The following CEP112 variants were observed in gnomAD, a reference collection of about 807,000 sequenced individuals.
The protein encoded by CEP112 is centrosomal protein of 112 kDa.
Under a neutral mutation model 153.0 loss-of-function variants are expected in CEP112, and 127 were observed. The ratio of observed to expected loss-of-function variants is 0.83; its 90% CI spans 0.72 to 0.96. The LOEUF is 0.96. CEP112 is among the 40% of genes least tolerant of loss of function. The probability of loss-of-function intolerance (pLI) is 0.00; values close to 1 mark genes in which losing one functional copy is unlikely to be tolerated. For synonymous variants in CEP112, 358 were observed against 374.4 expected (o/e 0.96, Z 0.51); for missense variants, 1,089 against 1,101.2 (o/e 0.99, Z 0.16).
At chr17:65,882,205 T>G (rs924961838) in intron 20 of CEP112, among the ~76,000 whole-genome samples, 1 of 152,220 alleles carries the variant, frequency 6.6e-6, no homozygotes, top group Non-Finnish European at 1.5e-5. Context: ...GCTCCCAGAA[T>G]GGCCTACATC....
intron 23 of CEP112, among the ~76,000 whole-genome samples, chr17:65,715,766 T>C (rs560470198): frequency 9.9e-5 from 15 of 152,106 alleles, no homozygotes; most frequent in Non-Finnish European, 1.8e-4. Context: ...ATTTTAAGTG[T>C]AGTGTAGAAT....
At chr17:65,750,525 C>T (rs1455794261) in intron 22 of CEP112, 137 bp downstream of exon 22, 2 of 656,424 alleles carry the variant, frequency 3.0e-6, no homozygotes, top group African/African-American at 1.8e-5. Flanking sequence ...TATTTGTATA[C>T]CCATAAAAAT....
chr17:65,693,897 G>A (rs1318890782), intron 23 of CEP112, among the ~76,000 whole-genome samples: 1 of 152,066 alleles, frequency 6.6e-6, no homozygotes, highest in Admixed American at 6.6e-5. Context: ...ACCATGGGAG[G>A]ACACAGTACA....
At chr17:65,905,805 T>G (rs1272449162) in intron 19 of CEP112, among the ~76,000 whole-genome samples, 2 of 151,814 alleles carry the variant, frequency 1.3e-5, no homozygotes, top group East Asian at 3.9e-4. Context: ...ATTAGCCAGG[T>G]GTAGTGGTGG....
chr17:66,141,172 A>G (rs962132740), intron 4 of CEP112, among the ~76,000 whole-genome samples: 1 of 149,606 alleles, frequency 6.7e-6, no homozygotes. Flanking sequence ...CTGGTTTTCT[A>G]ATTCACTGAT....
rs559755855 is a variant in CEP112, at chr17:66,192,041, A to ACGCCGCCGC, written c.-62_-54dup. ...GCTTTCCGCTCGGCCGCTGCCGCCA[A>ACGCCGCCGC]CGCCGCCGCCACCGCCGCCCCTGCC... is the stretch of plus-strand genomic sequence containing the variant. On this transcript the variant is annotated 5_prime_UTR_variant, in exon 1 of 27. Transcript: ENST00000535342. The ACGCCGCCGC allele has an allele frequency of 8.2e-3, 1,261 of 154,134 alleles. 17 individuals are homozygous for ACGCCGCCGC. The highest frequency in any genetic ancestry group is 0.029 in the African/African-American group (1,199 of 41,562). 9.5% of individuals were successfully genotyped at this position (154,134 alleles called of 1,614,324 possible).
intron 23 of CEP112, among the ~76,000 whole-genome samples, chr17:65,734,188 C>T (rs2020173): frequency 0.55 from 83,357 of 152,056 alleles, 23,179 homozygotes; most frequent in South Asian, 0.72. Flanking sequence ...GAGGTTGGCA[C>T]GAGTTTCTCA....
rs773319674 is a variant in CEP112, at chr17:66,132,714, G to A, written c.520C>T (p.Pro174Ser). The A allele has an allele frequency of 1.9e-6, 3 of 1,613,834 alleles. No individual in the cohort carries two copies. The East Asian group carries it at 6.7e-5, about 36-fold the overall frequency. Residue 174 changes from proline (P) to serine (S), a missense_variant, in exon 5 of 27, where the codon CCA becomes TCA. Pro to Ser is a moderately conservative substitution (Grantham distance 74). Coordinates refer to ENST00000535342, the MANE Select transcript of CEP112 (RefSeq NM_001199165.4). ...TTTTGTCCATCTTCTCTGTGAGTTG[G>A]ACTCAAGGAGTGTGATCTCACTCGG... ...KLRVRSHSLS[P>S]THREDGQNIT...
At chr17:66,187,469 T>A (rs772654817) in intron 1 of CEP112, among the ~76,000 whole-genome samples, 68 of 152,200 alleles carry the variant, frequency 4.5e-4, no homozygotes, top group Non-Finnish European at 7.2e-4. Context: ...TGCATCCTAT[T>A]TGACATCTCC....
At chr17:65,906,039 T>C (rs941517862) in intron 19 of CEP112, among the ~76,000 whole-genome samples, 2 of 151,912 alleles carry the variant, frequency 1.3e-5, no homozygotes, top group Non-Finnish European at 2.9e-5. Flanking sequence ...CCACCAATGA[T>C]AGACTAGATA....
intron 24 of CEP112, chr17:65,655,270 C>T: frequency 8.5e-7 from 1 of 1,173,454 alleles, no homozygotes; most frequent in Non-Finnish European, 1.3e-6. Context: ...TGCAGACTGC[C>T]TTTGTTGGGT....
At position 65,690,132 on chromosome 17, in the gene CEP112, A is replaced by C. The variant is rs867994365; in HGVS notation, c.2608-914T>G. Among the ~76,000 whole-genome samples the C allele has an allele frequency of 5.1e-3, 770 of 150,738 alleles. 5 individuals are homozygous for C. Among genetic ancestry groups the C allele is most frequent in the African/African-American group, 0.018 (730 of 41,126 alleles). The stretch of plus-strand genomic sequence containing the variant: ...ACAGACCAAAAAAAAAAAAAAAAAA[A>C]AAAAAACTCCGGTCGGGCACAGTGG... On this transcript the variant is annotated intron_variant, in intron 23 of 26. Coordinates refer to ENST00000535342, the MANE Select transcript of CEP112 (RefSeq NM_001199165.4).
intron 18 of CEP112, among the ~76,000 whole-genome samples, chr17:65,946,848 GTCT>G (rs1465961140): frequency 6.6e-6 from 1 of 151,854 alleles, no homozygotes; most frequent in Non-Finnish European, 1.5e-5. Flanking sequence ...GCTTATTCAG[GTCT>G]TCTTTAGTTT....
intron 12 of CEP112, among the ~76,000 whole-genome samples, chr17:66,034,526 G>C (rs7211092): frequency 0.52 from 78,208 of 151,770 alleles, 21,079 homozygotes; most frequent in African/African-American, 0.59. Context: ...TAAATCCACA[G>C]ACTTTGCCTA....
At chr17:66,103,404 G>C (rs1402349261) in intron 6 of CEP112, among the ~76,000 whole-genome samples, 5 of 152,078 alleles carry the variant, frequency 3.3e-5, no homozygotes, top group Non-Finnish European at 7.4e-5. Flanking sequence ...GAGGGTACAA[G>C]ATTAGAAAGT....
intron 6 of CEP112, among the ~76,000 whole-genome samples, chr17:66,115,285 G>A (rs1420422328): frequency 6.6e-6 from 1 of 152,190 alleles, no homozygotes; most frequent in Non-Finnish European, 1.5e-5. Context: ...TGCTGAGAAG[G>A]TAGATTGGCA....
intron 9 of CEP112, among the ~76,000 whole-genome samples, chr17:66,069,050 T>C (rs1430336008): frequency 2.6e-5 from 4 of 151,732 alleles, no homozygotes; most frequent in South Asian, 2.1e-4. Context: ...CCTTATTGCT[T>C]TAAAGGACAA....
chr17:66,085,520 C>G (rs2067888279), intron 8 of CEP112, among the ~76,000 whole-genome samples: 1 of 152,112 alleles, frequency 6.6e-6, no homozygotes, highest in Non-Finnish European at 1.5e-5. Context: ...TCTTGAAATA[C>G]CATTTGTTAT....
chr17:65,685,933 T>A (rs1226843397), intron 24 of CEP112, among the ~76,000 whole-genome samples: 1 of 152,090 alleles, frequency 6.6e-6, no homozygotes, highest in African/African-American at 2.4e-5. Flanking sequence ...AAAGTGCTGG[T>A]ATTACAGGCA....
Sources: allele counts gnomAD v4.1 joint callset (sites outside exome capture counted in the v4.1 genomes callset), GRCh38; gene constraint gnomAD v4.1.1; transcripts MANE v1.5; gene names NCBI Gene and HGNC (gene_info 2026-07-23, HGNC 2026-07-21).